Variants in NAA11 observed in about 807,000 individuals in gnomAD.
NAA11 encodes N-alpha-acetyltransferase 11, NatA catalytic subunit.
A neutral mutation model predicts 16.1 loss-of-function variants in NAA11; 15 were observed. That is an observed-to-expected ratio of 0.93 (90% CI 0.62 to 1.44). The LOEUF (loss-of-function observed/expected upper bound fraction) is 1.44, where lower values mean the gene tolerates loss of function less well. NAA11 is among the 40% of genes most tolerant of loss of function. The probability of loss-of-function intolerance (pLI) is 0.00; values close to 1 mark genes in which losing one functional copy is unlikely to be tolerated. For missense variants in NAA11, 298 were observed against 291.3 expected (o/e 1.02, Z -0.17); for synonymous variants, 122 against 112.4 (o/e 1.09, Z -0.54).
chr4:79,257,044 A>G (rs781294797), intron 2 of NAA11, among the ~76,000 whole-genome samples: 99 of 152,276 alleles, frequency 6.5e-4, no homozygotes, highest in Non-Finnish European at 3.8e-4. Context: ...ACAAAATACT[A>G]TCATTTCAAC....
chr4:79,326,024 G>T lies in NAA11; in HGVS notation c.-147C>A, dbSNP rs560717665. 1.2e-4 allele frequency: 80 copies of T among 665,610 alleles called. No homozygotes were observed. The highest frequency in any genetic ancestry group is 2.1e-4 in the Non-Finnish European group (79 of 384,386). 41.2% of individuals were successfully genotyped at this position (665,610 alleles called of 1,614,324 possible). Reference sequence around the variant, plus strand: ...CGTGTGGAGGGCGGATGGCGGGAAGGCGGAAGGAGCAGGAGATGGAAAAGA... The same window carrying T: ...CGTGTGGAGGGCGGATGGCGGGAAGTCGGAAGGAGCAGGAGATGGAAAAGA... On this transcript the variant is annotated 5_prime_UTR_variant, in exon 1 of 2. Coordinates refer to ENST00000286794, the MANE Select transcript of NAA11 (RefSeq NM_032693.3).
chr4:79,155,561 A>G, the NAA11 span, among the ~76,000 whole-genome samples: 1 of 152,204 alleles, frequency 6.6e-6, no homozygotes, highest in African/African-American at 2.4e-5. Flanking sequence ...CATTTGCATC[A>G]ACTGCCTCTC....
intron 2 of NAA11, among the ~76,000 whole-genome samples, chr4:79,282,024 C>T (rs1369650787): frequency 6.6e-6 from 1 of 152,086 alleles, no homozygotes. Flanking sequence ...GTGGGACTGT[C>T]ATGAAAGAAA....
chr4:79,319,569 T>C (rs1724030155), intron 1 of NAA11, among the ~76,000 whole-genome samples: 1 of 152,182 alleles, frequency 6.6e-6, no homozygotes, highest in Admixed American at 6.5e-5. Flanking sequence ...AGGAAAAACC[T>C]CTGCTTTTAT....
intron 2 of NAA11, among the ~76,000 whole-genome samples, chr4:79,252,569 T>C (rs1722020635): frequency 6.6e-6 from 1 of 152,054 alleles, no homozygotes; most frequent in Non-Finnish European, 1.5e-5. Flanking sequence ...TAGAGAATGA[T>C]AGGAGAAAGG....
At chr4:79,325,075 C>G in intron 1 of NAA11, 101 bp downstream of exon 1, 3 of 1,104,824 alleles carry the variant, frequency 2.7e-6, no homozygotes, top group Non-Finnish European at 3.8e-6. Context: ...CGTAAAATCT[C>G]GCAGGGCCAG....
chr4:79,205,115 C>A, the NAA11 span, among the ~76,000 whole-genome samples: 1 of 152,134 alleles, frequency 6.6e-6, no homozygotes, highest in African/African-American at 2.4e-5. Context: ...GTGAAATGTG[C>A]TGCAATAAAT....
At chr4:79,248,991 GC>G (rs138678447) in intron 2 of NAA11, among the ~76,000 whole-genome samples, 32 of 150,808 alleles carry the variant, frequency 2.1e-4, no homozygotes, top group South Asian at 6.3e-4. Flanking sequence ...GAGCACTTGA[GC>G]CCCCCCCCAG....
At chr4:79,180,210 G>C in the NAA11 span, among the ~76,000 whole-genome samples, 1 of 152,046 alleles carries the variant, frequency 6.6e-6, no homozygotes, top group Non-Finnish European at 1.5e-5. Flanking sequence ...GGAGTTTGTT[G>C]CTTCAAATGG....
At chr4:79,214,747 G>A in the NAA11 span, among the ~76,000 whole-genome samples, 3 of 152,088 alleles carry the variant, frequency 2.0e-5, no homozygotes, top group African/African-American at 4.8e-5. Context: ...GCAGTGAGCC[G>A]AGATGGCGCC....
At chr4:79,212,642 A>G in the NAA11 span, among the ~76,000 whole-genome samples, 1 of 152,188 alleles carries the variant, frequency 6.6e-6, no homozygotes, top group African/African-American at 2.4e-5. Flanking sequence ...CTGTAGTCCA[A>G]AAATACTAAA....
At chr4:79,229,687 A>G (rs893932648) in intron 2 of NAA11, among the ~76,000 whole-genome samples, 1 of 151,968 alleles carries the variant, frequency 6.6e-6, no homozygotes, top group African/African-American at 2.4e-5. Context: ...TGTGCCTGGT[A>G]TGATATTGAG....
At chr4:79,196,471 C>T in the NAA11 span, among the ~76,000 whole-genome samples, 2 of 151,986 alleles carry the variant, frequency 1.3e-5, no homozygotes, top group Admixed American at 1.3e-4. Context: ...GGAAAGGGCC[C>T]TAGAGATCAG....
chr4:79,309,809 G>C (rs891023799), intron 1 of NAA11, among the ~76,000 whole-genome samples: 17 of 134,904 alleles, frequency 1.3e-4, no homozygotes, highest in African/African-American at 4.3e-4. Context: ...TCCATCTCCC[G>C]GGTTCACGCC....
chr4:79,211,967 A>C, the NAA11 span, among the ~76,000 whole-genome samples: 1 of 152,218 alleles, frequency 6.6e-6, no homozygotes, highest in Non-Finnish European at 1.5e-5. Flanking sequence ...AGCTCTTCTC[A>C]TAAGCTTAAA....
the NAA11 span, among the ~76,000 whole-genome samples, chr4:79,196,734 G>A: frequency 6.6e-6 from 1 of 151,766 alleles, no homozygotes; most frequent in Non-Finnish European, 1.5e-5. Flanking sequence ...GGTTGTAGAT[G>A]ATATTAAAGT....
At chr4:79,226,295 T>C (rs1194351739) in intron 2 of NAA11, 2 of 151,806 alleles carry the variant, frequency 1.3e-5, no homozygotes, top group East Asian at 1.9e-4. Flanking sequence ...AGAGAGAGAG[T>C]TGAGGTCAAG....
intron 2 of NAA11, among the ~76,000 whole-genome samples, chr4:79,234,230 T>C (rs746228321): frequency 2.0e-5 from 3 of 152,156 alleles, no homozygotes; most frequent in Non-Finnish European, 4.4e-5. Context: ...GGGCTTTTTA[T>C]TACCAATTAT....
chr4:79,167,156 G>GTATATATATATATATATATATATA, the NAA11 span, among the ~76,000 whole-genome samples: 5 of 39,556 alleles, frequency 1.3e-4, no homozygotes, highest in Non-Finnish European at 2.4e-4. Flanking sequence ...ATATATATAT[G>GTATATATATATATATATATATATA]TATATGGAGA....
Sources: gnomAD v4.1 joint callset for allele counts (sites outside exome capture counted in the v4.1 genomes callset) on GRCh38, gnomAD v4.1.1 for gene constraint, MANE v1.5 for transcripts, NCBI Gene and HGNC (gene_info 2026-07-23, HGNC 2026-07-21) for gene names.